MB21D2: variants seen among roughly 807,000 people sequenced by gnomAD.
MB21D2 encodes Mab-21 domain containing 2.
Under a neutral mutation model 33.3 loss-of-function variants are expected in MB21D2, and 9 were observed. The ratio of observed to expected loss-of-function variants is 0.27; its 90% confidence interval spans 0.16 to 0.47. MB21D2 has a LOEUF of 0.47. Ranked by LOEUF, MB21D2 falls within the 20% of genes least tolerant of loss-of-function variation. MB21D2 has a pLI of 0.99. For synonymous variants in MB21D2, 241 were observed against 236.3 expected (o/e 1.02, Z -0.18); for missense variants, 540 against 624.6 (o/e 0.86, Z 1.44).
At chr3:192,807,489 T>C (rs1397850537) in intron 1 of MB21D2, among the ~76,000 whole-genome samples, 1 of 152,136 alleles carries the variant, frequency 6.6e-6, no homozygotes, top group East Asian at 1.9e-4. Context: ...AAGTCAACTG[T>C]ACCCCATCAC....
intron 1 of MB21D2, among the ~76,000 whole-genome samples, chr3:192,838,740 T>G (rs1468164495): frequency 2.0e-5 from 3 of 152,168 alleles, no homozygotes; most frequent in East Asian, 3.9e-4. Flanking sequence ...GTGGACATAT[T>G]TTAAACCAGC....
At chr3:192,819,362 G>A (rs866328726) in intron 1 of MB21D2, among the ~76,000 whole-genome samples, 8 of 152,130 alleles carry the variant, frequency 5.3e-5, no homozygotes, top group African/African-American at 1.7e-4. Flanking sequence ...GGCTTTTCAC[G>A]GCAAGGGTGG....
At chr3:192,895,807 A>T (rs1485869593) in intron 1 of MB21D2, among the ~76,000 whole-genome samples, 4 of 152,094 alleles carry the variant, frequency 2.6e-5, no homozygotes, top group Non-Finnish European at 4.4e-5. Context: ...ATCCTGGCTC[A>T]TTGCAACCTC....
At chr3:192,878,076 C>T (rs1454793993) in intron 1 of MB21D2, among the ~76,000 whole-genome samples, 1 of 143,940 alleles carries the variant, frequency 6.9e-6, no homozygotes, top group East Asian at 2.0e-4. Flanking sequence ...CAAACAATTC[C>T]TCCTCTTTTT....
intron 1 of MB21D2, among the ~76,000 whole-genome samples, chr3:192,878,259 T>C (rs1577193489): frequency 6.6e-6 from 1 of 152,106 alleles, no homozygotes; most frequent in Middle Eastern, 3.4e-3. Context: ...CAAAATGACT[T>C]CAAAAGGCTT....
intron 1 of MB21D2, among the ~76,000 whole-genome samples, chr3:192,888,763 T>C (rs2108646066): frequency 6.6e-6 from 1 of 152,238 alleles, no homozygotes; most frequent in Non-Finnish European, 1.5e-5. Flanking sequence ...TTATTGAGTC[T>C]TTACTCACTA....
intron 1 of MB21D2, among the ~76,000 whole-genome samples, chr3:192,805,966 C>G (rs1232126100): frequency 5.9e-5 from 9 of 152,182 alleles, no homozygotes; most frequent in South Asian, 2.1e-4. Context: ...GCAAGGCACA[C>G]AAAACATGTT....
intron 1 of MB21D2, among the ~76,000 whole-genome samples, chr3:192,803,462 T>C (rs1711596652): frequency 6.6e-6 from 1 of 152,200 alleles, no homozygotes; most frequent in African/African-American, 2.4e-5. Flanking sequence ...GGCCACACTG[T>C]TCCAGAAGCT....
At chr3:192,891,096 AAGTTCTTAT>A in intron 1 of MB21D2, among the ~76,000 whole-genome samples, 2 of 152,284 alleles carry the variant, frequency 1.3e-5, no homozygotes, top group South Asian at 4.1e-4. Context: ...GACTTGTACA[AAGTTCTTAT>A]AGAAGTTTTC....
At chr3:192,801,056 T>C (rs2108608201) in intron 1 of MB21D2, among the ~76,000 whole-genome samples, 1 of 152,358 alleles carries the variant, frequency 6.6e-6, no homozygotes, top group South Asian at 2.1e-4. Context: ...ATGTCTCATG[T>C]ATTAAGCAGG....
At chr3:192,874,930 G>T (rs1298385020) in intron 1 of MB21D2, among the ~76,000 whole-genome samples, 1 of 151,814 alleles carries the variant, frequency 6.6e-6, no homozygotes, top group Non-Finnish European at 1.5e-5. Context: ...TTAGGTCTAG[G>T]GGTGCTTTAC....
At chr3:192,917,488 G>A (rs1714494774) in intron 1 of MB21D2, 142 bp downstream of exon 1, 1 of 745,358 alleles carries the variant, frequency 1.3e-6, no homozygotes, top group Non-Finnish European at 2.2e-6. Flanking sequence ...GAGAGAGGCG[G>A]AACAGAGATG....
At chr3:192,835,499 T>C (rs1318974901) in intron 1 of MB21D2, among the ~76,000 whole-genome samples, 4 of 145,094 alleles carry the variant, frequency 2.8e-5, no homozygotes, top group Non-Finnish European at 6.0e-5. Flanking sequence ...TACAAGCACA[T>C]TTGCAAATTT....
intron 1 of MB21D2, among the ~76,000 whole-genome samples, chr3:192,880,990 T>A (rs1386841838): frequency 6.6e-6 from 1 of 152,060 alleles, no homozygotes; most frequent in Non-Finnish European, 1.5e-5. Context: ...TATATATTTA[T>A]ATACACATCT....
chr3:192,881,340 C>T (rs143523552), intron 1 of MB21D2, among the ~76,000 whole-genome samples: 1 of 152,210 alleles, frequency 6.6e-6, no homozygotes, highest in East Asian at 1.9e-4. Flanking sequence ...AGGCTAATGA[C>T]TGACTGGTTG....
intron 1 of MB21D2, among the ~76,000 whole-genome samples, chr3:192,804,954 T>C (rs1711632551): frequency 6.6e-6 from 1 of 152,214 alleles, no homozygotes; most frequent in Non-Finnish European, 1.5e-5. Context: ...GAAAAGATTT[T>C]AGGCCTTTCC....
intron 1 of MB21D2, among the ~76,000 whole-genome samples, chr3:192,887,612 TG>T (rs1298280564): frequency 6.6e-6 from 1 of 152,098 alleles, no homozygotes; most frequent in East Asian, 1.9e-4. Flanking sequence ...CAAAGGTATA[TG>T]GGGGTTCATT....
At chr3:192,854,022 A>C (rs759793231) in intron 1 of MB21D2, among the ~76,000 whole-genome samples, 2 of 152,212 alleles carry the variant, frequency 1.3e-5, no homozygotes, top group African/African-American at 4.8e-5. Flanking sequence ...TCCTTGGGAC[A>C]TAACAACTTT....
At chr3:192,899,771 G>A (rs1028346523) in intron 1 of MB21D2, among the ~76,000 whole-genome samples, 2 of 114,790 alleles carry the variant, frequency 1.7e-5, no homozygotes, top group African/African-American at 6.5e-5. Flanking sequence ...TTCAGCTCTG[G>A]GGTAGGGAGA....
Sources: allele counts gnomAD v4.1 joint callset (sites outside exome capture counted in the v4.1 genomes callset), GRCh38; gene constraint gnomAD v4.1.1; transcripts MANE v1.5; gene names NCBI Gene and HGNC (gene_info 2026-07-23, HGNC 2026-07-21).